Variants in CNTN5 observed in about 807,000 individuals in gnomAD.
CNTN5 encodes contactin-5.
A neutral mutation model predicts 129.1 loss-of-function variants in CNTN5; 77 were observed. The observed-to-expected ratio is 0.60, with a 90% CI of 0.50 to 0.72. The LOEUF is 0.72. CNTN5 is among the 30% of genes least tolerant of loss of function. The pLI is 0.00. For missense variants in CNTN5, 1,478 were observed against 1,328.8 expected, an observed-to-expected ratio of 1.11 and a Z score of -1.75; for synonymous variants, 509 against 465.6, an observed-to-expected ratio of 1.09 and a Z score of -1.20.
intron 6 of CNTN5, among the ~76,000 whole-genome samples, chr11:99,914,830 C>T (rs561179648): frequency 6.6e-6 from 1 of 151,920 alleles, no homozygotes; most frequent in East Asian, 1.9e-4. Context: ...ATACATTCAG[C>T]AAAATAATTA....
At chr11:100,331,521 C>G (rs1951906588) in intron 21 of CNTN5, among the ~76,000 whole-genome samples, 1 of 152,068 alleles carries the variant, frequency 6.6e-6, no homozygotes, top group African/African-American at 2.4e-5. Flanking sequence ...CCCAACAACT[C>G]CAGAATGTAC....
intron 21 of CNTN5, among the ~76,000 whole-genome samples, chr11:100,326,793 G>A (rs1224630276): frequency 6.6e-6 from 1 of 152,212 alleles, no homozygotes; most frequent in Non-Finnish European, 1.5e-5. Flanking sequence ...CTTTAAAGAA[G>A]TGGCCAAGGA....
chr11:99,741,984 T>A (rs1943902052), intron 3 of CNTN5, among the ~76,000 whole-genome samples: 1 of 152,090 alleles, frequency 6.6e-6, no homozygotes, highest in South Asian at 2.1e-4. Flanking sequence ...AATTTCATGA[T>A]TCACAAGTGA....
intron 2 of CNTN5, among the ~76,000 whole-genome samples, chr11:99,483,937 C>A (rs2135323283): frequency 6.6e-6 from 1 of 151,810 alleles, no homozygotes; most frequent in African/African-American, 2.4e-5. Context: ...AATATAAGAC[C>A]CCAAACTGTA....
chr11:99,291,290 C>T (rs972109603), intron 1 of CNTN5, among the ~76,000 whole-genome samples: 1 of 151,782 alleles, frequency 6.6e-6, no homozygotes, highest in Non-Finnish European at 1.5e-5. Flanking sequence ...AAGGCAACTT[C>T]TTACTTAATA....
At chr11:99,424,772 G>T (rs537857013) in intron 2 of CNTN5, among the ~76,000 whole-genome samples, 1 of 152,332 alleles carries the variant, frequency 6.6e-6, no homozygotes, top group East Asian at 1.9e-4. Context: ...TGGTAAGCAG[G>T]GACATGTTTC....
intron 2 of CNTN5, among the ~76,000 whole-genome samples, chr11:99,334,152 TCAC>T (rs1866122441): frequency 8.3e-6 from 1 of 119,856 alleles, no homozygotes; most frequent in Non-Finnish European, 1.8e-5. Flanking sequence ...AGACTCTCAC[TCAC>T]AAATACACAG....
intron 12 of CNTN5, 121 bp from the exon 13 acceptor site, chr11:100,074,023 A>G: frequency 3.6e-6 from 3 of 843,378 alleles, no homozygotes; most frequent in Non-Finnish European, 5.5e-6. Context: ...TCATGTGTAG[A>G]TATACTATGA....
intron 4 of CNTN5, among the ~76,000 whole-genome samples, chr11:99,826,961 C>A (rs1436513883): frequency 6.6e-6 from 1 of 152,156 alleles, no homozygotes; most frequent in African/African-American, 2.4e-5. Flanking sequence ...TCAAGGAAAG[C>A]AGTAGTAGCA....
At chr11:100,306,164 C>A (rs1951344859) in intron 20 of CNTN5, among the ~76,000 whole-genome samples, 1 of 151,540 alleles carries the variant, frequency 6.6e-6, no homozygotes, top group African/African-American at 2.4e-5. Context: ...CCCCAAAATG[C>A]AAATGTGAAA....
chr11:99,827,785 A>C (rs1299680692), intron 4 of CNTN5, among the ~76,000 whole-genome samples: 1 of 148,916 alleles, frequency 6.7e-6, no homozygotes, highest in Non-Finnish European at 1.5e-5. Context: ...CTATAGTATA[A>C]TGTTAACAGT....
chr11:99,832,177 A>G (rs149438152), intron 4 of CNTN5, among the ~76,000 whole-genome samples: 3 of 152,238 alleles, frequency 2.0e-5, no homozygotes, highest in East Asian at 1.9e-4. Flanking sequence ...CATCATTTCC[A>G]TAGTCTAAAA....
rs57191271 is a variant in CNTN5 at position 99,172,994 on chromosome 11, G to A, written c.-210+151724G>A. Among the ~76,000 whole-genome samples, 76 of 152,274 alleles carry A rather than the reference G, an allele frequency of 5.0e-4. 5 individuals are homozygous for A. In the South Asian group the frequency reaches 0.014, roughly 29 times the overall value. ...TCCACGTGGCAGAAGGCAAGGAGGC[G>A]CAAGTCACATCTTATGTGGATGGCA... On this transcript the variant is annotated intron_variant, in intron 1 of 24. Coordinates refer to ENST00000524871, the MANE Select transcript of CNTN5 (RefSeq NM_014361.4).
At chr11:99,376,988 G>A (rs7952501) in intron 2 of CNTN5, among the ~76,000 whole-genome samples, 17,301 of 152,110 alleles carry the variant, frequency 0.11, 1,799 homozygotes, top group African/African-American at 0.28. Context: ...AGAAAGAGTT[G>A]AAATGTACTT....
chr11:99,971,534 T>G (rs968983845), intron 8 of CNTN5, among the ~76,000 whole-genome samples: 3 of 151,198 alleles, frequency 2.0e-5, no homozygotes, highest in African/African-American at 4.9e-5. Flanking sequence ...AGAGTGACAC[T>G]CCGTCACACA....
chr11:99,097,131 A>G (rs765410593), intron 1 of CNTN5, among the ~76,000 whole-genome samples: 1 of 151,940 alleles, frequency 6.6e-6, no homozygotes, highest in Non-Finnish European at 1.5e-5. Flanking sequence ...TTGGAGTTAG[A>G]TAAATATCAT....
At chr11:99,361,065 A>T (rs1939077024) in intron 2 of CNTN5, among the ~76,000 whole-genome samples, 2 of 152,290 alleles carry the variant, frequency 1.3e-5, no homozygotes. Context: ...CCACTTCATA[A>T]AAAGGATCAC....
chr11:99,676,143 A>T (rs780424695), intron 3 of CNTN5, among the ~76,000 whole-genome samples: 1 of 151,386 alleles, frequency 6.6e-6, no homozygotes, highest in Non-Finnish European at 1.5e-5. Flanking sequence ...TCATATTGTG[A>T]TTTATAATTA....
chr11:100,079,897 C>T (rs1270976465), intron 13 of CNTN5, among the ~76,000 whole-genome samples: 1 of 152,152 alleles, frequency 6.6e-6, no homozygotes, highest in Non-Finnish European at 1.5e-5. Flanking sequence ...ATTTCCATTA[C>T]TTGGCCATTA....
Sources: gnomAD v4.1 joint callset for allele counts (sites outside exome capture counted in the v4.1 genomes callset) on GRCh38, gnomAD v4.1.1 for gene constraint, MANE v1.5 for transcripts, NCBI Gene and HGNC (gene_info 2026-07-23, HGNC 2026-07-21) for gene names.